The following SLIT3 variants were observed in gnomAD, a reference collection of about 807,000 sequenced individuals.
The protein encoded by SLIT3 is slit guidance ligand 3, also known as slit homolog 3 protein.
A neutral mutation model predicts 184.0 loss-of-function variants in SLIT3; 68 were observed. That is an observed-to-expected ratio of 0.37 (90% CI 0.30 to 0.45). SLIT3 has a LOEUF of 0.45. SLIT3 is among the 20% of genes least tolerant of loss of function. The pLI is 1.00. For synonymous variants in SLIT3, 831 were observed against 828.6 expected (o/e 1.00, Z -0.05); for missense variants, 1,707 against 2,026.0 (o/e 0.84, Z 3.02).
intron 4 of SLIT3, among the ~76,000 whole-genome samples, chr5:169,009,644 C>T (rs1258361757): frequency 1.3e-5 from 2 of 152,206 alleles, no homozygotes; most frequent in African/African-American, 4.8e-5. Flanking sequence ...AATGCTACAT[C>T]CTAACGTCAT....
At chr5:169,153,970 C>A (rs532203541) in intron 4 of SLIT3, among the ~76,000 whole-genome samples, 6 of 147,764 alleles carry the variant, frequency 4.1e-5, no homozygotes, top group African/African-American at 1.5e-4. Context: ...ATGCTCCCAG[C>A]CTTTTTTTTT....
At chr5:168,868,878 G>T (rs1335488463) in intron 5 of SLIT3, among the ~76,000 whole-genome samples, 1 of 151,996 alleles carries the variant, frequency 6.6e-6, no homozygotes, top group Non-Finnish European at 1.5e-5. Context: ...GTGTGCCCAA[G>T]ATCACCAGCT....
At chr5:169,063,518 G>A (rs1758246062) in intron 4 of SLIT3, among the ~76,000 whole-genome samples, 1 of 152,174 alleles carries the variant, frequency 6.6e-6, no homozygotes, top group Admixed American at 6.6e-5. Context: ...ACCCGCCTCG[G>A]GGGCACACCC....
intron 4 of SLIT3, among the ~76,000 whole-genome samples, chr5:169,107,374 G>T (rs147244999): frequency 6.6e-6 from 1 of 152,202 alleles, no homozygotes. Context: ...TTTCGTAAGA[G>T]CTGTGGTCTG....
intron 8 of SLIT3, among the ~76,000 whole-genome samples, chr5:168,810,326 C>G (rs546203319): frequency 6.6e-6 from 1 of 152,306 alleles, no homozygotes; most frequent in African/African-American, 2.4e-5. Context: ...GCTCTTATGG[C>G]GGTCTCATGA....
intron 16 of SLIT3, among the ~76,000 whole-genome samples, chr5:168,760,252 C>T (rs1186102831): frequency 1.3e-5 from 2 of 152,144 alleles, no homozygotes; most frequent in Non-Finnish European, 2.9e-5. Context: ...TTCTCATTAC[C>T]TTTATGACTA....
intron 4 of SLIT3, among the ~76,000 whole-genome samples, chr5:169,055,377 G>A (rs1757958546): frequency 6.6e-6 from 1 of 152,158 alleles, no homozygotes; most frequent in African/African-American, 2.4e-5. Context: ...GGCCTCTCTG[G>A]GAGGTGACAT....
intron 1 of SLIT3, among the ~76,000 whole-genome samples, chr5:169,266,737 C>T (rs772785412): frequency 5.9e-5 from 9 of 152,170 alleles, no homozygotes; most frequent in Non-Finnish European, 1.2e-4. Flanking sequence ...AACTGATACA[C>T]CTAGCAATAC....
At chr5:168,936,783 G>A (rs1339732878) in intron 4 of SLIT3, among the ~76,000 whole-genome samples, 1 of 152,062 alleles carries the variant, frequency 6.6e-6, no homozygotes, top group Non-Finnish European at 1.5e-5. Context: ...GAGGGGCACT[G>A]GAATCATTCA....
At chr5:169,298,110 C>A (rs1581151773) in intron 1 of SLIT3, among the ~76,000 whole-genome samples, 1 of 152,148 alleles carries the variant, frequency 6.6e-6, no homozygotes, top group Admixed American at 6.5e-5. Flanking sequence ...GTGAACCTGA[C>A]CCAGCTTGCT....
intron 25 of SLIT3, among the ~76,000 whole-genome samples, chr5:168,709,308 C>T (rs886395493): frequency 6.6e-6 from 1 of 152,096 alleles, no homozygotes; most frequent in African/African-American, 2.4e-5. Context: ...GTTGGGCAGA[C>T]TGGTCTTGAA....
At chr5:169,077,688 C>T (rs1009920086) in intron 4 of SLIT3, among the ~76,000 whole-genome samples, 2 of 152,108 alleles carry the variant, frequency 1.3e-5, no homozygotes, top group African/African-American at 4.8e-5. Flanking sequence ...AGATTTTTGA[C>T]TGTGTGGGGG....
intron 4 of SLIT3, among the ~76,000 whole-genome samples, chr5:169,150,304 G>C (rs757162957): frequency 6.6e-6 from 1 of 152,136 alleles, no homozygotes; most frequent in Non-Finnish European, 1.5e-5. Context: ...TGCCTTGTGT[G>C]CTTGCCATGA....
intron 4 of SLIT3, among the ~76,000 whole-genome samples, chr5:168,969,269 A>G (rs1006290385): frequency 2.6e-5 from 4 of 152,176 alleles, no homozygotes; most frequent in African/African-American, 7.2e-5. Context: ...ATGAGCCTCA[A>G]CCTGAATGCA....
intron 18 of SLIT3, 148 bp downstream of exon 18, chr5:168,752,807 C>T: frequency 2.7e-6 from 2 of 730,102 alleles, no homozygotes; most frequent in Non-Finnish European, 4.6e-6. Flanking sequence ...CTAGACGATG[C>T]CTGCCTGGCA....
chr5:169,194,669 G>A (rs1763684101), intron 3 of SLIT3, among the ~76,000 whole-genome samples: 1 of 152,186 alleles, frequency 6.6e-6, no homozygotes, highest in Non-Finnish European at 1.5e-5. Flanking sequence ...CCTGGAGGTG[G>A]AGAAGTAGGC....
chr5:169,131,564 C>G (rs989186293), intron 4 of SLIT3, among the ~76,000 whole-genome samples: 1 of 152,180 alleles, frequency 6.6e-6, no homozygotes, highest in African/African-American at 2.4e-5. Context: ...TAAATCTCAT[C>G]CAAACGACTT....
chr5:168,740,668 T>C (rs1005685829), intron 20 of SLIT3, among the ~76,000 whole-genome samples: 1 of 152,028 alleles, frequency 6.6e-6, no homozygotes, highest in African/African-American at 2.4e-5. Context: ...AGGAAGACGG[T>C]TTGGGGAAAG....
At chr5:168,718,731 TTCTC>T (rs150162755) in intron 23 of SLIT3, among the ~76,000 whole-genome samples, 59 of 46,366 alleles carry the variant, frequency 1.3e-3, no homozygotes, top group Middle Eastern at 0.01. Flanking sequence ...CACACACACA[TTCTC>T]TCTCTCTCTC....
Sources: allele counts gnomAD v4.1 joint callset (sites outside exome capture counted in the v4.1 genomes callset), GRCh38; gene constraint gnomAD v4.1.1; transcripts MANE v1.5; gene names NCBI Gene and HGNC (gene_info 2026-07-23, HGNC 2026-07-21).